The following HAP1 variants were observed in gnomAD, a reference collection of about 807,000 sequenced individuals.
HAP1 encodes the protein huntingtin associated protein 1.
Under a neutral mutation model 60.3 loss-of-function variants are expected in HAP1, and 59 were observed. The ratio of observed to expected loss-of-function variants is 0.98; its 90% CI spans 0.79 to 1.22. HAP1 has a LOEUF of 1.22. Ranked by LOEUF, HAP1 falls within the 50% of genes most tolerant of loss-of-function variation. HAP1 has a pLI of 0.00. For synonymous variants in HAP1, 346 were observed against 330.6 expected (o/e 1.05, Z -0.50); for missense variants, 825 against 785.3 (o/e 1.05, Z -0.60).
At position 41,727,570 on chromosome 17, in the gene HAP1, G is replaced by A. The variant is rs116542110; in HGVS notation, c.1275+192C>T. 2.1e-3 allele frequency: 1,400 copies of A among 673,464 alleles called. 12 individuals carry two copies. The African/African-American group carries it at 0.022, about 11-fold the overall frequency. 41.7% of individuals were successfully genotyped at this position (673,464 alleles called of 1,614,324 possible). On this transcript the variant is annotated intron_variant, in intron 8 of 10. Transcript: ENST00000347901. ...TGTGGGGGACCCAGGGCAGGTCCCTGCACTCCACACCACTCAGACCTTGAT... is the reference window on the plus strand; with the variant it reads ...TGTGGGGGACCCAGGGCAGGTCCCTACACTCCACACCACTCAGACCTTGAT...
In HAP1 at chr17:41,734,112, C is replaced by T. The variant is rs529177981; in HGVS notation, c.469+54G>A. 1.4e-4 allele frequency: 198 copies of T among 1,432,798 alleles called. 1 individual carries two copies. The South Asian group carries it at 2.5e-3, about 18-fold the overall frequency. The allele number at this position is 1,432,798 out of a possible 1,614,324, so 88.8% of individuals were successfully genotyped here. On this transcript the variant is annotated intron_variant, in intron 1 of 10. Transcript: ENST00000347901. ...CCTGGACCCGATGGGGCCACTTCCT[C>T]CCTGGAGTTGCCCCAGTCCCCACCC... is the stretch of plus-strand genomic sequence containing the variant.
chr17:41,725,068 C>CG lies in HAP1; in HGVS notation c.1492dup (p.Arg498ProfsTer26). On this transcript the variant is annotated frameshift_variant, in exon 11 of 11. Transcript: ENST00000347901. LOFTEE classifies it low-confidence loss of function (END_TRUNC). ...CTCCGCAGGCGTGAAATCTTCCCCC[C>CG]GCATGATATCCGCTGCCAGCATCAA... is the stretch of plus-strand genomic sequence containing the variant. The CG allele has an allele frequency of 1.2e-6, 2 of 1,612,586 alleles. No individual in the cohort carries two copies. Among genetic ancestry groups the CG allele is most frequent in the East Asian group, 4.5e-5 (2 of 44,838 alleles).
chr17:41,719,213 C>G (rs1273558544), downstream of HAP1, among the ~76,000 whole-genome samples: 1 of 151,916 alleles, frequency 6.6e-6, no homozygotes, highest in African/African-American at 2.4e-5. Flanking sequence ...CTCCTGACCC[C>G]GTGATCCACC....
chr17:41,728,428 G>C, intron 6 of HAP1, 97 bp from the exon 7 acceptor site: 1 of 1,148,458 alleles, frequency 8.7e-7, no homozygotes, highest in Non-Finnish European at 1.2e-6. Context: ...ACCCTCGGCT[G>C]CTGCGCTGTG....
At chr17:41,727,566 C>A in intron 8 of HAP1, 196 bp downstream of exon 8, 1 of 675,016 alleles carries the variant, frequency 1.5e-6, no homozygotes, top group Non-Finnish European at 2.7e-6. Context: ...CAGGGCAGGT[C>A]CCTGCACTCC....
intron 9 of HAP1, among the ~76,000 whole-genome samples, chr17:41,726,527 A>G (rs1159682552): frequency 1.3e-5 from 2 of 150,310 alleles, no homozygotes; most frequent in Non-Finnish European, 3.0e-5. Context: ...TCGCCACTGC[A>G]CTCCAGTCCA....
At chr17:41,727,299 A>G (rs1555589139) in intron 8 of HAP1, 155 bp from the exon 9 acceptor site, 1 of 780,782 alleles carries the variant, frequency 1.3e-6, no homozygotes, top group Non-Finnish European at 2.4e-6. Context: ...GGTCCTCACC[A>G]GAGGCACGCT....
downstream of HAP1, chr17:41,721,477 C>A: frequency 6.1e-6 from 1 of 163,248 alleles, no homozygotes. Flanking sequence ...GCTCAGTGGT[C>A]TCTGGTCCAC....
chr17:41,734,219 C>A lies in HAP1; in HGVS notation c.416G>T (p.Arg139Leu), dbSNP rs1555591945. 1 of 1,599,186 alleles carries A rather than the reference C, an allele frequency of 6.3e-7. No individual in the cohort carries two copies. The highest frequency in any genetic ancestry group is 1.1e-5 in the South Asian group (1 of 90,764). ...GCGCTCAGGGCCGGACACCCCGGGTCGCCGGCCAACGTAGGCGGCTGGCGT... is the reference window on the plus strand; with the variant it reads ...GCGCTCAGGGCCGGACACCCCGGGTAGCCGGCCAACGTAGGCGGCTGGCGT... ...WKTPAAYVGR[R>L]PGVSGPERAA... The change falls in exon 1 of 11, where the codon CGA becomes CTA. Residue 139 changes from arginine (R) to leucine (L), a missense_variant. Coordinates refer to ENST00000347901, the MANE Select transcript of HAP1 (RefSeq NM_177977.3).
At chr17:41,727,279 G>C in intron 8 of HAP1, 135 bp from the exon 9 acceptor site, 1 of 781,692 alleles carries the variant, frequency 1.3e-6, no homozygotes, top group East Asian at 2.4e-5. Flanking sequence ...AAAGTGGGCA[G>C]CCAGGGGAGG....
rs1555590876 is a variant in HAP1 at position 41,731,535 on chromosome 17, C to T, written c.1027G>A (p.Asp343Asn). ...EEASQLDTLE[D>N]EEQMLILECV... The stretch of plus-strand genomic sequence containing the variant: ...TCCAGAATGAGCATCTGTTCCTCAT[C>T]CTCAAGAGTGTCGAGTTGAGAGGCC... The change falls in exon 6 of 11, where the codon GAT (aspartate) becomes AAT (asparagine). Residue 343 changes from aspartate to asparagine, a missense_variant. Asp to Asn is a conservative substitution (Grantham distance 23). Transcript: ENST00000347901. 1 of 1,613,006 alleles carries T rather than the reference C, an allele frequency of 6.2e-7. No homozygotes were observed. The highest frequency in any genetic ancestry group is 1.1e-5 in the South Asian group (1 of 91,066).
Position 41,724,687 on chromosome 17 carries a change from T to C in HAP1, c.*14A>G, listed in dbSNP as rs369507142. ...GGCAGGTGAGCACTCGGGGAGCTTA[T>C]CCACCCTCTCTTTTCATCGGCACGA... On this transcript the variant is annotated 3_prime_UTR_variant, in exon 11 of 11. Coordinates refer to ENST00000347901, the MANE Select transcript of HAP1 (RefSeq NM_177977.3). 27 of 1,573,764 alleles carry C rather than the reference T, an allele frequency of 1.7e-5. No homozygotes were observed. The highest frequency in any genetic ancestry group is 2.3e-4 in the Middle Eastern group (1 of 4,402).
intron 6 of HAP1, among the ~76,000 whole-genome samples, chr17:41,729,422 T>C (rs1597742680): frequency 6.9e-6 from 1 of 145,218 alleles, no homozygotes; most frequent in African/African-American, 2.5e-5. Flanking sequence ...TGGTGGCGCA[T>C]GCCTGTAATC....
chr17:41,727,698 T>G (rs1911775787), intron 8 of HAP1, 64 bp downstream of exon 8: 6 of 1,089,298 alleles, frequency 5.5e-6, no homozygotes, highest in South Asian at 5.1e-5. Context: ...GCCAAGGGCC[T>G]GGGGTCCCCA....
At chr17:41,725,761 C>A (rs782221894) in intron 10 of HAP1, 98 bp downstream of exon 10, 2 of 885,716 alleles carry the variant, frequency 2.3e-6, no homozygotes, top group Non-Finnish European at 3.8e-6. Context: ...ATAGCAGGGC[C>A]TTCTCCGGAG....
intron 6 of HAP1, chr17:41,730,056 GGAAGAAA>G (rs1912037205): frequency 3.9e-4 from 3 of 7,764 alleles, no homozygotes; most frequent in African/African-American, 6.3e-4. Flanking sequence ...AGAGAGAGAA[GGAAGAAA>G]AGAAAGAAAA....
chr17:41,728,291 C>A lies in HAP1; in HGVS notation c.1110G>T (p.Leu370=). The A allele has an allele frequency of 2.5e-6, 4 of 1,613,644 alleles. No homozygotes were observed. Among genetic ancestry groups the A allele is most frequent in the Non-Finnish European group, 3.4e-6 (4 of 1,179,994 alleles). Residue 370 remains leucine, a synonymous_variant, in exon 7 of 11, where the codon CTG becomes CTT. Coordinates refer to ENST00000347901, the MANE Select transcript of HAP1 (RefSeq NM_177977.3). ...SQQMAELSEV[L]VLRLENYERQ... is the part of the protein sequence containing the mutation. ...GTTCATAGTTTTCCAGCCTGAGCAC[C>A]AGCACCTCCGACAGCTCAGCCATCT...
At chr17:41,733,592 A>C (rs1912440788) in intron 1 of HAP1, among the ~76,000 whole-genome samples, 1 of 151,908 alleles carries the variant, frequency 6.6e-6, no homozygotes, top group Non-Finnish European at 1.5e-5. Context: ...TTGCGTGTGC[A>C]GAGGACAGGA....
rs567239796 is a variant in HAP1 at position 41,734,631 on chromosome 17, G to A, written c.4C>T (p.Arg2Cys). 8.0e-5 allele frequency: 120 copies of A among 1,501,646 alleles called. 1 individual carries two copies. Among genetic ancestry groups the A allele is most frequent in the South Asian group, 1.8e-4 (14 of 78,754 alleles). 93.0% of individuals were successfully genotyped at this position (1,501,646 alleles called of 1,614,324 possible). Residue 2 changes from arginine to cysteine, a missense_variant, in exon 1 of 11, where the codon CGC (arginine) becomes TGC (cysteine). Coordinates refer to ENST00000347901, the MANE Select transcript of HAP1 (RefSeq NM_177977.3). M[R>C]PKRLGRCCAG... ...CAGCACCGGCCCAACCTCTTCGGGCGCATCTCGAGTCTGCCGTCCGCTGCT... is the reference window on the plus strand; with the variant it reads ...CAGCACCGGCCCAACCTCTTCGGGCACATCTCGAGTCTGCCGTCCGCTGCT...
Sources: allele counts gnomAD v4.1 joint callset (sites outside exome capture counted in the v4.1 genomes callset), GRCh38; gene constraint gnomAD v4.1.1; transcripts MANE v1.5; gene names NCBI Gene and HGNC (gene_info 2026-07-23, HGNC 2026-07-21).